The following GTF3C1 variants were observed in gnomAD, a reference collection of about 807,000 sequenced individuals.
GTF3C1 encodes general transcription factor IIIC subunit 1, also known as general transcription factor 3C polypeptide 1.
In GTF3C1, 57 loss-of-function variants were observed where a neutral mutation model predicts 226.7. The observed-to-expected ratio is 0.25, with a 90% confidence interval of 0.20 to 0.31. GTF3C1 has a LOEUF of 0.31. Among genes scored for constraint, GTF3C1 ranks in the 10% least tolerant of loss-of-function variants. The probability of loss-of-function intolerance (pLI) is 1.00; values close to 1 mark genes in which losing one functional copy is unlikely to be tolerated. For synonymous variants in GTF3C1, 1,090 were observed against 1,084.8 expected, an observed-to-expected ratio of 1.00 and a Z score of -0.09; for missense variants, 2,217 against 2,776.1, an observed-to-expected ratio of 0.80 and a Z score of 4.53.
At chr16:27,464,981 C>T in intron 33 of GTF3C1, 145 bp from the exon 34 acceptor site, 1 of 712,934 alleles carries the variant, frequency 1.4e-6, no homozygotes, top group Non-Finnish European at 2.3e-6. Context: ...TGGCTCCTAG[C>T]CCCGGGGCTG....
chr16:27,537,796 A>C lies in GTF3C1; in HGVS notation c.740T>G (p.Phe247Cys). 6.2e-7 allele frequency: 1 copy of C among 1,610,776 alleles called. No individual in the cohort carries two copies. The highest frequency in any genetic ancestry group is 8.5e-7 in the Non-Finnish European group (1 of 1,177,088). The change falls in exon 4 of 37, where the codon TTT becomes TGT. Residue 247 changes from phenylalanine to cysteine, a missense_variant. Phe to Cys is a radical substitution (Grantham distance 205). Coordinates refer to ENST00000356183, the MANE Select transcript of GTF3C1 (RefSeq NM_001520.4). ...CTACAAACCATACCTGTCCACATGA[A>C]ACCGGTTCAGTAGGAGGAGGATTGA... ...QHSILLLLNRFHVDRRSKYDI... is the reference protein window; with the variant it reads ...QHSILLLLNRCHVDRRSKYDI...
chr16:27,484,167 A>G, intron 25 of GTF3C1, 44 bp downstream of exon 25: 1 of 1,454,874 alleles, frequency 6.9e-7, no homozygotes, highest in South Asian at 1.1e-5. Flanking sequence ...CAAACGGGAT[A>G]ACGTAACCGT....
rs79690170 is a variant in GTF3C1, at chr16:27,499,620, A to T, written c.2062-887T>A. 7.0e-4 allele frequency among the ~76,000 whole-genome samples: 107 copies of T among 152,276 alleles called. 2 individuals are homozygous for T. The East Asian group carries it at 0.016, about 23-fold the overall frequency. The stretch of plus-strand genomic sequence containing the variant: ...GCCACACTTGGCTCATTTTCTCCGA[A>T]TCCTCATTTGTGAAATAAGGACCAC... On this transcript the variant is annotated intron_variant, in intron 12 of 36. Coordinates refer to ENST00000356183, the MANE Select transcript of GTF3C1 (RefSeq NM_001520.4).
rs749003127 is a variant in GTF3C1 at position 27,505,977 on chromosome 16, C to T, written c.1692G>A (p.Val564=). Residue 564 remains valine (V), a synonymous_variant, in exon 10 of 37, where the codon GTG becomes GTA. Transcript: ENST00000356183. ...LDTSSVSEPN[V]SFVSHCADSN... ...TGTCCGCACAGTGGGAGACAAAGGA[C>T]ACGTTGGGTTCTGAGACGCTGCTGG... The T allele has an allele frequency of 1.2e-6, 2 of 1,613,446 alleles. No individual in the cohort carries two copies. The highest frequency in any genetic ancestry group is 1.3e-5 in the African/African-American group (1 of 74,922).
chr16:27,498,138 A>G (rs929769895), intron 13 of GTF3C1, among the ~76,000 whole-genome samples: 2 of 152,360 alleles, frequency 1.3e-5, no homozygotes, highest in Middle Eastern at 3.4e-3. Flanking sequence ...ATTAACCAGC[A>G]ACTGATTCAA....
chr16:27,470,344 A>G lies in GTF3C1; in HGVS notation c.4578T>C (p.Phe1526=). 2 of 1,614,108 alleles carry G rather than the reference A, an allele frequency of 1.2e-6. No individual in the cohort carries two copies. Among genetic ancestry groups the G allele is most frequent in the Non-Finnish European group, 1.7e-6 (2 of 1,179,942 alleles). The stretch of plus-strand genomic sequence containing the variant: ...TGCCGGCAGCCCGCATTCTGTCCAA[A>G]AACTGGAATGACTCCGTGCAGATGG... The part of the protein sequence containing the change: ...PSTICTESFQ[F]LDRMRAAGKL... The change falls in exon 31 of 37, where the codon TTT becomes TTC. Residue 1526 remains phenylalanine (F), a synonymous_variant. Transcript: ENST00000356183. The surrounding 1 kb of genome is among the most constrained non-coding windows in gnomAD (Gnocchi z 4.9).
chr16:27,533,687 CT>C (rs2088956206), intron 4 of GTF3C1, among the ~76,000 whole-genome samples: 1 of 152,154 alleles, frequency 6.6e-6, no homozygotes, highest in South Asian at 2.1e-4. Context: ...TTTTACAATA[CT>C]TTTAAGTTTA....
intron 4 of GTF3C1, 56 bp downstream of exon 4, chr16:27,537,728 A>G (rs2089022046): frequency 3.0e-6 from 4 of 1,325,184 alleles, no homozygotes; most frequent in Non-Finnish European, 3.2e-6. Context: ...TTTTTAAAGC[A>G]TACTACACAT....
At chr16:27,502,527 T>C (rs946887504) in intron 11 of GTF3C1, among the ~76,000 whole-genome samples, 6 of 152,194 alleles carry the variant, frequency 3.9e-5, no homozygotes, top group African/African-American at 1.4e-4. Context: ...AGTGTCTCCA[T>C]AGCCCTTCTG....
chr16:27,464,987 G>A (rs2087764003), intron 33 of GTF3C1, 151 bp from the exon 34 acceptor site: 9 of 700,550 alleles, frequency 1.3e-5, no homozygotes, highest in South Asian at 2.0e-5. Context: ...CTAGCCCCGG[G>A]GCTGCCCCTT....
intron 15 of GTF3C1, 148 bp from the exon 16 acceptor site, chr16:27,495,056 A>G: frequency 1.1e-6 from 1 of 882,918 alleles, no homozygotes; most frequent in Middle Eastern, 3.6e-4. Flanking sequence ...AAGATGAGGA[A>G]GAAAGCCTGC....
chr16:27,529,526 C>G (rs919489339), intron 5 of GTF3C1, among the ~76,000 whole-genome samples: 8 of 152,140 alleles, frequency 5.3e-5, no homozygotes, highest in African/African-American at 1.9e-4. Flanking sequence ...TCTCATCACT[C>G]CTATTTTTGC....
chr16:27,508,474 C>A, intron 8 of GTF3C1, 66 bp downstream of exon 8: 1 of 1,237,964 alleles, frequency 8.1e-7, no homozygotes, highest in South Asian at 1.2e-5. Context: ...CTGAGATGCT[C>A]GTTCTCAAAT....
At chr16:27,542,658 A>G (rs1330198048) in intron 2 of GTF3C1, among the ~76,000 whole-genome samples, 4 of 152,122 alleles carry the variant, frequency 2.6e-5, no homozygotes, top group Non-Finnish European at 4.4e-5. Context: ...TGGATCCCTC[A>G]TAAATAGATT....
rs1455010796 is a variant in GTF3C1 at position 27,462,434 on chromosome 16, G to A, written c.5977C>T (p.His1993Tyr). The A allele has an allele frequency of 6.2e-7, 1 of 1,613,534 alleles. No individual in the cohort carries two copies. Among genetic ancestry groups the A allele is most frequent in the Admixed American group, 1.7e-5 (1 of 59,980 alleles). Residue 1993 changes from histidine (H) to tyrosine (Y), a missense_variant, in exon 36 of 37, where the codon CAC (histidine) becomes TAC (tyrosine). His to Tyr is a moderately conservative substitution (Grantham distance 83, BLOSUM62 2). This residue lies in a region of GTF3C1 where 153 missense variants were observed against 199.8 expected (regional missense o/e 0.77). Coordinates refer to ENST00000356183, the MANE Select transcript of GTF3C1 (RefSeq NM_001520.4). The surrounding 1 kb of genome is among the most constrained non-coding windows in gnomAD (Gnocchi z 4.5). Reference sequence around the variant, plus strand: ...CCCTTGCATACAGGAAGGTTCAGGTGGCCATCCACGACACGCCACGGCCGG... The same window carrying A: ...CCCTTGCATACAGGAAGGTTCAGGTAGCCATCCACGACACGCCACGGCCGG... ...IGRPWRVVDGHLNLPVCKGMM... is the reference protein window; with the variant it reads ...IGRPWRVVDGYLNLPVCKGMM...
chr16:27,523,640 ACT>A (rs2084118361), intron 6 of GTF3C1, among the ~76,000 whole-genome samples: 1 of 152,008 alleles, frequency 6.6e-6, no homozygotes, highest in African/African-American at 2.4e-5. Context: ...CTTAGCACCT[ACT>A]CTGTTCCAAG....
intron 24 of GTF3C1, 68 bp from the exon 25 acceptor site, chr16:27,484,421 T>A (rs1212979712): frequency 2.4e-5 from 27 of 1,133,480 alleles, no homozygotes; most frequent in Non-Finnish European, 3.3e-5. Context: ...GGAATTACCA[T>A]AAAAAAGTGG....
At chr16:27,524,246 T>A (rs1293988026) in intron 6 of GTF3C1, among the ~76,000 whole-genome samples, 1 of 152,264 alleles carries the variant, frequency 6.6e-6, no homozygotes, top group Non-Finnish European at 1.5e-5. Flanking sequence ...TAAAGTTCAA[T>A]GTTTCCTAAT....
rs1220856478 is a variant in GTF3C1, at chr16:27,530,010, T to C, written c.850-1289A>G. ...CACCCTCCTGGGCACTGCTGCCATG[T>C]GATTTTGCAGCCCCTGGCAGGTTAC... On this transcript the variant is annotated intron_variant, in intron 5 of 36. Coordinates refer to ENST00000356183, the MANE Select transcript of GTF3C1 (RefSeq NM_001520.4). Among the ~76,000 whole-genome samples the C allele has an allele frequency of 3.3e-5, 5 of 152,246 alleles. No individual in the cohort carries two copies. The East Asian group carries it at 9.6e-4, about 29-fold the overall frequency.
Sources: gnomAD v4.1 joint callset for allele counts (sites outside exome capture counted in the v4.1 genomes callset) on GRCh38, gnomAD v4.1.1 for gene constraint, gnomAD v4.1.1 regional missense constraint, Gnocchi (gnomAD v3.1) non-coding constraint, MANE v1.5 for transcripts, NCBI Gene and HGNC (gene_info 2026-07-23, HGNC 2026-07-21) for gene names.